Variants in GNG2 observed in about 807,000 individuals in gnomAD.
The protein encoded by GNG2 is G protein subunit gamma 2.
In GNG2, 5 loss-of-function variants were observed where a neutral mutation model predicts 5.5. The ratio of observed to expected loss-of-function variants is 0.91; its 90% CI spans 0.48 to 1.92. The LOEUF (loss-of-function observed/expected upper bound fraction) is 1.92, where lower values mean the gene tolerates loss of function less well. Ranked by LOEUF, GNG2 falls within the 30% of genes most tolerant of loss-of-function variation. The pLI, the probability that GNG2 is intolerant of heterozygous loss-of-function variation, is 0.01. For synonymous variants in GNG2, 28 were observed against 32.0 expected, an observed-to-expected ratio of 0.88 and a Z score of 0.42; for missense variants, 55 against 88.4, an observed-to-expected ratio of 0.62 and a Z score of 1.52.
rs529654681 is a variant in GNG2 at position 51,831,556 on chromosome 14, G to T, written c.64+3749G>T. On this transcript the variant is annotated intron_variant, in intron 2 of 3. Coordinates refer to the GNG2 transcript ENST00000553432. ...AGGGAGAACTATGGTAATAAAAAGG[G>T]GTCATGAAAGAGCTATATGTTTGAG... 3.3e-5 allele frequency among the ~76,000 whole-genome samples: 5 copies of T among 152,328 alleles called. No homozygotes were observed. In the East Asian group the frequency reaches 7.7e-4, roughly 23 times the overall value.
intron 3 of GNG2, among the ~76,000 whole-genome samples, chr14:51,952,949 C>A (rs78899122): frequency 0.032 from 4,871 of 152,272 alleles, 182 homozygotes; most frequent in East Asian, 0.14. Flanking sequence ...GCAGTGTATA[C>A]AAAGTTCCTG....
chr14:51,879,050 A>G (rs1245907516), intron 2 of GNG2, among the ~76,000 whole-genome samples: 2 of 152,230 alleles, frequency 1.3e-5, no homozygotes, highest in Non-Finnish European at 2.9e-5. Context: ...GGCATCTTCC[A>G]GTCATTGTGA....
At chr14:51,827,349 G>A (rs1003578549) in intron 1 of GNG2, among the ~76,000 whole-genome samples, 1 of 152,212 alleles carries the variant, frequency 6.6e-6, no homozygotes, top group Admixed American at 6.5e-5. Context: ...TGTTAGAATT[G>A]CAAACTCTTG....
At chr14:51,830,162 C>T (rs761445618) in intron 2 of GNG2, among the ~76,000 whole-genome samples, 23 of 152,206 alleles carry the variant, frequency 1.5e-4, no homozygotes, top group Non-Finnish European at 2.6e-4. Flanking sequence ...TCTTGAAGTG[C>T]TTGATTCTTT....
At chr14:51,860,966 T>TA (rs1008635344) in intron 1 of GNG2, among the ~76,000 whole-genome samples, 176 bp downstream of exon 1, 6 of 152,096 alleles carry the variant, frequency 3.9e-5, no homozygotes, top group South Asian at 4.1e-4. Context: ...ACATTTGATT[T>TA]AAAAAAACCT....
chr14:51,968,998 TA>T lies in GNG2; in HGVS notation c.*2313del, dbSNP rs1890078073. On this transcript the variant is annotated 3_prime_UTR_variant, in exon 4 of 4. Transcript: ENST00000556766. ...TTTTATGTCTTACAGTATGGAATTA[TA>T]ATACGAAAATCTTTATATGAGTTTT... 1 of 152,230 alleles carries T rather than the reference TA, an allele frequency of 6.6e-6. No individual in the cohort carries two copies. The highest frequency in any genetic ancestry group is 2.1e-4 in the South Asian group (1 of 4,828). 9.4% of individuals were successfully genotyped at this position (152,230 alleles called of 1,614,324 possible).
intron 2 of GNG2, among the ~76,000 whole-genome samples, chr14:51,832,685 C>T (rs1234395049): frequency 6.6e-6 from 1 of 152,222 alleles, no homozygotes; most frequent in Admixed American, 6.5e-5. Context: ...CCTGTGTCCT[C>T]ACAAGGCAGG....
At chr14:51,897,582 T>C (rs889130798) in intron 2 of GNG2, among the ~76,000 whole-genome samples, 1 of 152,252 alleles carries the variant, frequency 6.6e-6, no homozygotes, top group Non-Finnish European at 1.5e-5. Flanking sequence ...ATGAAAAAGT[T>C]ATTAAATGGG....
rs1886616176 is a variant in GNG2, at chr14:51,916,306, T to G, written c.-29-34344T>G. On this transcript the variant is annotated intron_variant, in intron 2 of 3. Transcript: ENST00000556766. The stretch of plus-strand genomic sequence containing the variant: ...GACGAAAACACAGAAATTGAGTGGG[T>G]GCTGGAACACATCCATTATTTGCCC... The G allele has an allele frequency of 1.8e-5, 6 of 334,434 alleles. No individual in the cohort carries two copies. In the Admixed American group the frequency reaches 2.6e-4, roughly 15 times the overall value. 20.7% of individuals were successfully genotyped at this position (334,434 alleles called of 1,614,324 possible).
chr14:51,906,346 CTT>C (rs1192873776), intron 2 of GNG2, among the ~76,000 whole-genome samples: 1 of 152,142 alleles, frequency 6.6e-6, no homozygotes, highest in Non-Finnish European at 1.5e-5. Context: ...AGCCTATTCT[CTT>C]TTTTTGTTTA....
At position 51,910,393 on chromosome 14, in the gene GNG2, G is replaced by C. The variant is rs1473644311; in HGVS notation, c.-30+32736G>C. ...AGCAAGAAATGAGGCTGAAGAAGGA[G>C]CTGGAAGCCAAATCATAAAGGACCG... On this transcript the variant is annotated intron_variant, in intron 2 of 3. Transcript: ENST00000556766. Among the ~76,000 whole-genome samples, 3 of 152,284 alleles carry C rather than the reference G, an allele frequency of 2.0e-5. No homozygotes were observed. In the East Asian group the frequency reaches 5.8e-4, roughly 29 times the overall value.
At position 51,926,894 on chromosome 14, in the gene GNG2, A is replaced by G. The variant is rs536329343; in HGVS notation, c.-29-23756A>G. On this transcript the variant is annotated intron_variant, in intron 2 of 3. Transcript: ENST00000556766. ...GAACTAAGGAGAAAGCCCTACAACAATGTTTTGTCTTTCCTCGCCATTAGC... is the reference window on the plus strand; with the variant it reads ...GAACTAAGGAGAAAGCCCTACAACAGTGTTTTGTCTTTCCTCGCCATTAGC... 2.0e-5 allele frequency among the ~76,000 whole-genome samples: 3 copies of G among 152,252 alleles called. No individual in the cohort carries two copies. The South Asian group carries it at 6.2e-4, about 32-fold the overall frequency.
intron 2 of GNG2, among the ~76,000 whole-genome samples, chr14:51,850,702 C>G (rs1192341427): frequency 6.6e-6 from 1 of 152,158 alleles, no homozygotes; most frequent in African/African-American, 2.4e-5. Context: ...GACATCTGCT[C>G]AGCTTCTAGG....
At chr14:51,894,287 C>T (rs761585771) in intron 2 of GNG2, among the ~76,000 whole-genome samples, 16 of 151,876 alleles carry the variant, frequency 1.1e-4, no homozygotes, top group Non-Finnish European at 2.1e-4. Flanking sequence ...ATTTTTGCTT[C>T]GTTTGGAGTT....
chr14:51,851,417 G>T (rs768087146), intron 2 of GNG2, among the ~76,000 whole-genome samples: 2 of 152,180 alleles, frequency 1.3e-5, no homozygotes, highest in Non-Finnish European at 2.9e-5. Flanking sequence ...TATACTAAGA[G>T]TACATACTAA....
At chr14:51,908,559 T>C (rs551714967) in intron 2 of GNG2, among the ~76,000 whole-genome samples, 1 of 141,332 alleles carries the variant, frequency 7.1e-6, no homozygotes, top group African/African-American at 2.8e-5. Context: ...TCTATCTATC[T>C]ATCCATATAT....
intron 2 of GNG2, among the ~76,000 whole-genome samples, chr14:51,889,266 C>T (rs1884680210): frequency 6.6e-6 from 1 of 152,024 alleles, no homozygotes; most frequent in Non-Finnish European, 1.5e-5. Context: ...GTGTGTGCCA[C>T]CACGCCCGGC....
chr14:51,830,050 C>T (rs1260330348), intron 2 of GNG2, among the ~76,000 whole-genome samples: 1 of 152,126 alleles, frequency 6.6e-6, no homozygotes, highest in East Asian at 1.9e-4. Context: ...ACCATATTGG[C>T]CAGGCTGGTC....
chr14:51,826,789 T>G (rs1442766208), intron 1 of GNG2, among the ~76,000 whole-genome samples: 1 of 152,028 alleles, frequency 6.6e-6, no homozygotes, highest in Non-Finnish European at 1.5e-5. Context: ...AAGGGTGAAT[T>G]AGAATGGTGA....
Sources: allele counts gnomAD v4.1 joint callset (sites outside exome capture counted in the v4.1 genomes callset), GRCh38; gene constraint gnomAD v4.1.1; transcripts MANE v1.5; gene names NCBI Gene and HGNC (gene_info 2026-07-23, HGNC 2026-07-21).